CFAP299: variants seen among roughly 807,000 people sequenced by gnomAD.
CFAP299 encodes the protein cilia- and flagella-associated protein 299.
CFAP299 carries 21 observed loss-of-function variants against 27.0 expected under a neutral mutation model. That is an observed-to-expected ratio of 0.78 (90% CI 0.55 to 1.12). CFAP299 has a LOEUF of 1.12. Ranked by LOEUF, CFAP299 falls within the 50% of genes most tolerant of loss-of-function variation. CFAP299 has a pLI of 0.00. For missense variants in CFAP299, 310 were observed against 276.6 expected (o/e 1.12, Z -0.86); for synonymous variants, 104 against 98.1 (o/e 1.06, Z -0.36).
At chr4:80,845,300 C>T (rs1394313354) in intron 3 of CFAP299, among the ~76,000 whole-genome samples, 2 of 149,532 alleles carry the variant, frequency 1.3e-5, no homozygotes, top group East Asian at 3.9e-4. Flanking sequence ...TTTTAAAAGA[C>T]CGTTCAAGTT....
chr4:80,680,795 C>G (rs529927160), intron 3 of CFAP299, among the ~76,000 whole-genome samples: 134 of 152,254 alleles, frequency 8.8e-4, no homozygotes, highest in African/African-American at 2.9e-3. Context: ...GTCCACCAGT[C>G]TACTATACAC....
At chr4:80,935,812 A>G (rs980407069) in intron 4 of CFAP299, among the ~76,000 whole-genome samples, 2 of 152,152 alleles carry the variant, frequency 1.3e-5, no homozygotes, top group African/African-American at 4.8e-5. Context: ...TTTGCAAAGT[A>G]TGCATCTGAC....
intron 2 of CFAP299, among the ~76,000 whole-genome samples, chr4:80,371,987 G>C (rs748655956): frequency 5.9e-5 from 9 of 152,038 alleles, no homozygotes; most frequent in Admixed American, 1.3e-4. Context: ...TTCTGTATCA[G>C]TCCATTCTTG....
chr4:80,702,418 C>T (rs756478926), intron 3 of CFAP299, among the ~76,000 whole-genome samples: 1 of 151,838 alleles, frequency 6.6e-6, no homozygotes, highest in Non-Finnish European at 1.5e-5. Context: ...TTACACACGA[C>T]ACTGAGCTGT....
intron 2 of CFAP299, among the ~76,000 whole-genome samples, chr4:80,551,234 C>A (rs879264568): frequency 4.6e-5 from 7 of 152,032 alleles, no homozygotes; most frequent in African/African-American, 1.4e-4. Context: ...ATAAAATATG[C>A]CATATTAGGG....
intron 2 of CFAP299, among the ~76,000 whole-genome samples, chr4:80,526,844 A>C (rs1311129561): frequency 6.6e-6 from 1 of 152,180 alleles, no homozygotes; most frequent in East Asian, 1.9e-4. Flanking sequence ...ATAAGAGCCT[A>C]ATATCTATTT....
At chr4:80,807,888 A>C (rs1728946701) in intron 3 of CFAP299, among the ~76,000 whole-genome samples, 1 of 152,040 alleles carries the variant, frequency 6.6e-6, no homozygotes, top group Admixed American at 6.6e-5. Context: ...GGCAGGGAGG[A>C]GGTAAGGGGA....
At chr4:80,505,568 AC>A (rs1731983353) in intron 2 of CFAP299, among the ~76,000 whole-genome samples, 1 of 152,224 alleles carries the variant, frequency 6.6e-6, no homozygotes, top group South Asian at 2.1e-4. Context: ...AGGTTCAACC[AC>A]CCTGTATTTT....
intron 4 of CFAP299, among the ~76,000 whole-genome samples, chr4:80,904,933 A>T (rs1164995490): frequency 6.8e-6 from 1 of 147,090 alleles, no homozygotes; most frequent in Admixed American, 6.6e-5. Flanking sequence ...TGACAGAAAA[A>T]AATTATAATT....
At chr4:80,775,975 C>A (rs966908855) in intron 3 of CFAP299, among the ~76,000 whole-genome samples, 6 of 152,088 alleles carry the variant, frequency 3.9e-5, no homozygotes, top group Non-Finnish European at 7.4e-5. Context: ...TCTTGTAGAG[C>A]AGATGATGGT....
intron 2 of CFAP299, among the ~76,000 whole-genome samples, chr4:80,448,182 A>G (rs917112553): frequency 6.6e-6 from 1 of 152,182 alleles, no homozygotes; most frequent in African/African-American, 2.4e-5. Context: ...CAACCTCTTT[A>G]TTCACCTTTA....
intron 3 of CFAP299, among the ~76,000 whole-genome samples, chr4:80,648,125 G>T (rs1740117625): frequency 6.6e-6 from 1 of 152,122 alleles, no homozygotes; most frequent in Non-Finnish European, 1.5e-5. Flanking sequence ...CTAAAATTAT[G>T]GTTAAATTAG....
At chr4:80,522,231 G>T (rs1732956377) in intron 2 of CFAP299, among the ~76,000 whole-genome samples, 1 of 151,730 alleles carries the variant, frequency 6.6e-6, no homozygotes, top group Non-Finnish European at 1.5e-5. Context: ...TTGTGGTTTT[G>T]ATTTTCATTT....
At chr4:80,864,148 T>C (rs987063479) in intron 3 of CFAP299, among the ~76,000 whole-genome samples, 1 of 152,056 alleles carries the variant, frequency 6.6e-6, no homozygotes, top group Non-Finnish European at 1.5e-5. Flanking sequence ...CATTGTGAAT[T>C]TTTATGTTAA....
the CFAP299 span, among the ~76,000 whole-genome samples, chr4:80,325,766 A>G: frequency 6.6e-6 from 1 of 152,224 alleles, no homozygotes; most frequent in Non-Finnish European, 1.5e-5. Context: ...CATTCTTAAC[A>G]GCCAAAATGT....
At chr4:80,480,650 C>T (rs12513252) in intron 2 of CFAP299, among the ~76,000 whole-genome samples, 3 of 151,836 alleles carry the variant, frequency 2.0e-5, no homozygotes, top group Admixed American at 2.0e-4. Context: ...TTTTTTAGGC[C>T]TAGTCTCCAT....
At chr4:80,577,820 A>G (rs1191052150) in intron 2 of CFAP299, among the ~76,000 whole-genome samples, 3 of 152,210 alleles carry the variant, frequency 2.0e-5, no homozygotes, top group African/African-American at 7.2e-5. Context: ...TTTAAAAAAT[A>G]AACTCTTAAA....
intron 1 of CFAP299, among the ~76,000 whole-genome samples, chr4:80,341,786 G>A (rs1198239617): frequency 6.6e-6 from 1 of 152,172 alleles, no homozygotes. Flanking sequence ...ACTGCAACAG[G>A]TCTCCAGCAA....
intron 2 of CFAP299, among the ~76,000 whole-genome samples, chr4:80,412,048 A>AAG (rs1726746474): frequency 6.6e-6 from 1 of 152,144 alleles, no homozygotes; most frequent in Non-Finnish European, 1.5e-5. Context: ...TGGAATAAGA[A>AAG]AGTGACTCAC....
Sources: allele counts gnomAD v4.1 joint callset (sites outside exome capture counted in the v4.1 genomes callset), GRCh38; gene constraint gnomAD v4.1.1; transcripts MANE v1.5; gene names NCBI Gene and HGNC (gene_info 2026-07-23, HGNC 2026-07-21).